Variants in WDR82 observed in about 807,000 individuals in gnomAD.
WDR82 encodes WD repeat-containing protein 82.
A neutral mutation model predicts 36.1 loss-of-function variants in WDR82; 8 were observed. The ratio of observed to expected loss-of-function variants is 0.22; its 90% CI spans 0.13 to 0.40. WDR82 has a LOEUF of 0.40. Ranked by LOEUF, WDR82 falls within the 10% of genes least tolerant of loss-of-function variation. The pLI, the probability that WDR82 is intolerant of heterozygous loss-of-function variation, is 1.00. For synonymous variants in WDR82, 129 were observed against 137.8 expected, an observed-to-expected ratio of 0.94 and a Z score of 0.45; for missense variants, 185 against 400.5, an observed-to-expected ratio of 0.46 and a Z score of 4.59.
At chr3:52,277,752 G>C (rs573635968) in intron 1 of WDR82, among the ~76,000 whole-genome samples, 10 of 152,212 alleles carry the variant, frequency 6.6e-5, no homozygotes, top group Non-Finnish European at 1.3e-4. Context: ...GGGCGGAATC[G>C]AGGTCACAGT....
intron 2 of WDR82, among the ~76,000 whole-genome samples, chr3:52,269,198 G>A (rs933860041): frequency 6.6e-6 from 1 of 152,178 alleles, no homozygotes; most frequent in Non-Finnish European, 1.5e-5. Context: ...ATCCTGGCCG[G>A]GCGTGGTGGT....
intron 1 of WDR82, among the ~76,000 whole-genome samples, chr3:52,275,864 A>G (rs1700198741): frequency 6.6e-6 from 1 of 152,174 alleles, no homozygotes. Context: ...AGCCTGGGCG[A>G]CTGAGCGAGA....
Position 52,257,428 on chromosome 3 carries a change from C to T in WDR82, c.*62G>A. The T allele has an allele frequency of 5.0e-6, 8 of 1,606,000 alleles. No individual in the cohort carries two copies. In the South Asian group the frequency reaches 8.8e-5, roughly 18 times the overall value. On this transcript the variant is annotated 3_prime_UTR_variant, in exon 9 of 9. Transcript: ENST00000296490. ...ATCCAATCCCACTATTATCTCAGTT[C>T]CCTCTGAGTTTCTTCCTGCTGGCCG...
intron 3 of WDR82, among the ~76,000 whole-genome samples, chr3:52,263,342 G>C (rs1700078041): frequency 6.6e-6 from 1 of 152,214 alleles, no homozygotes; most frequent in Admixed American, 6.6e-5. Context: ...ATCTGAGGTA[G>C]AAAGGATTTC....
Position 52,254,615 on chromosome 3 carries a change from C to A in WDR82, c.*2875G>T, listed in dbSNP as rs1024428850. The A allele has an allele frequency of 2.0e-5, 3 of 152,000 alleles. No homozygotes were observed. In the Admixed American group the frequency reaches 2.0e-4, roughly 10 times the overall value. 9.4% of individuals were successfully genotyped at this position (152,000 alleles called of 1,614,324 possible). ...TAGCATTTGGGTGGCAAACTTGATT[C>A]TTTCTAAAATTCCCATATTTTCCTT... On this transcript the variant is annotated 3_prime_UTR_variant, in exon 9 of 9. Coordinates refer to ENST00000296490, the MANE Select transcript of WDR82 (RefSeq NM_025222.4).
Position 52,278,586 on chromosome 3 carries a change from C to G in WDR82, c.-225G>C. ...ACCGTTCGTCCTCACAGCCACCTCA[C>G]GGACAACCGGCGCGTCGCCGGCTCA... is the stretch of plus-strand genomic sequence containing the variant. On this transcript the variant is annotated 5_prime_UTR_variant, in exon 1 of 9. Coordinates refer to ENST00000296490, the MANE Select transcript of WDR82 (RefSeq NM_025222.4). The G allele has an allele frequency of 4.9e-6, 2 of 409,250 alleles. No homozygotes were observed. The highest frequency in any genetic ancestry group is 1.2e-4 in the South Asian group (1 of 8,086). The allele number at this position is 409,250 out of a possible 1,614,324, so 25.4% of individuals were successfully genotyped here.
chr3:52,269,546 T>C (rs1432659119), intron 2 of WDR82, among the ~76,000 whole-genome samples: 1 of 151,374 alleles, frequency 6.6e-6, no homozygotes, highest in Admixed American at 6.6e-5. Flanking sequence ...CTGGCTAACA[T>C]GGTGAAACCC....
At chr3:52,272,135 T>A (rs1332202475) in intron 1 of WDR82, among the ~76,000 whole-genome samples, 2 of 152,106 alleles carry the variant, frequency 1.3e-5, no homozygotes, top group African/African-American at 4.8e-5. Context: ...AGGTTATCAA[T>A]CTCCATTTGT....
intron 2 of WDR82, chr3:52,268,024 C>A: frequency 4.5e-6 from 1 of 222,872 alleles, no homozygotes; most frequent in Non-Finnish European, 9.4e-6. Context: ...AATAAGAGGG[C>A]ATTTAACTTG....
At position 52,259,280 on chromosome 3, in the gene WDR82, G is replaced by A. The variant is rs1255957704; in HGVS notation, c.700-14C>T. On this transcript the variant is annotated splice_polypyrimidine_tract_variant and intron_variant, in intron 6 of 8. Transcript: ENST00000296490. ...GTTGGCATAACCCTAAAACAAAACA[G>A]AGCAGTTCTTTTGTTCTTACAGAGC... 6.2e-7 allele frequency: 1 copy of A among 1,613,380 alleles called. No individual in the cohort carries two copies. The highest frequency in any genetic ancestry group is 1.3e-5 in the African/African-American group (1 of 74,876).
intron 1 of WDR82, among the ~76,000 whole-genome samples, chr3:52,272,419 C>A (rs1700162420): frequency 6.6e-6 from 1 of 151,704 alleles, no homozygotes. Context: ...TGGCCCACGC[C>A]TGTAGTCCCA....
At position 52,259,773 on chromosome 3, in the gene WDR82, C is replaced by T. The variant is rs1158144362; in HGVS notation, c.643G>A (p.Gly215Ser). The T allele has an allele frequency of 6.2e-6, 10 of 1,613,952 alleles. No individual in the cohort carries two copies. Among genetic ancestry groups the T allele is most frequent in the Non-Finnish European group, 8.5e-6 (10 of 1,179,996 alleles). Residue 215 changes from glycine to serine, a missense_variant, in exon 6 of 9, where the codon GGC becomes AGC. By Grantham distance (56) the Gly-to-Ser change is moderately conservative (BLOSUM62 0). Coordinates refer to ENST00000296490, the MANE Select transcript of WDR82 (RefSeq NM_025222.4). Reference protein sequence around the residue: ...DGKLILISTNGSFIRLIDAFK... With the variant: ...DGKLILISTNSSFIRLIDAFK... ...GCATCAATCAGACGAATGAAGCTGC[C>T]GTTGGTGGAAATGAGGATGAGCTTG...
chr3:52,273,121 C>T lies in WDR82; in HGVS notation c.162-2312G>A, dbSNP rs578174845. Among the ~76,000 whole-genome samples, 7 of 152,284 alleles carry T rather than the reference C, an allele frequency of 4.6e-5. No individual in the cohort carries two copies. The East Asian group carries it at 1.3e-3, about 29-fold the overall frequency. On this transcript the variant is annotated intron_variant, in intron 1 of 8. Coordinates refer to ENST00000296490, the MANE Select transcript of WDR82 (RefSeq NM_025222.4). ...AAGAAGTTTATATCAGTTATTTCATCCCATCTACAATAGCAAAGACAGAAA... is the reference window on the plus strand; with the variant it reads ...AAGAAGTTTATATCAGTTATTTCATTCCATCTACAATAGCAAAGACAGAAA...
At chr3:52,266,045 T>G (rs1700103112) in intron 3 of WDR82, among the ~76,000 whole-genome samples, 1 of 152,030 alleles carries the variant, frequency 6.6e-6, no homozygotes, top group South Asian at 2.1e-4. Context: ...CAAAGAAAAG[T>G]TGAAAAATTA....
chr3:52,258,390 A>C (rs1700030878), intron 8 of WDR82, 146 bp downstream of exon 8: 3 of 949,860 alleles, frequency 3.2e-6, no homozygotes, highest in Non-Finnish European at 4.9e-6. Flanking sequence ...TAGGAGATGA[A>C]ATAGGGAAAC....
At chr3:52,270,934 G>T in intron 1 of WDR82, 125 bp from the exon 2 acceptor site, 1 of 602,148 alleles carries the variant, frequency 1.7e-6, no homozygotes, top group East Asian at 3.0e-5. Context: ...TTCTAACACT[G>T]GAAAGAAACA....
At chr3:52,261,529 T>C (rs368258291) in intron 3 of WDR82, 50 bp from the exon 4 acceptor site, 173 of 1,548,032 alleles carry the variant, frequency 1.1e-4, no homozygotes, top group Non-Finnish European at 1.5e-4. Flanking sequence ...TTAGCAAAAA[T>C]TGGATGTGAA....
chr3:52,272,829 G>A (rs1411243987), intron 1 of WDR82, among the ~76,000 whole-genome samples: 1 of 152,190 alleles, frequency 6.6e-6, no homozygotes, highest in Non-Finnish European at 1.5e-5. Context: ...TCAGTTATTT[G>A]CACTTTCAAT....
In WDR82 at chr3:52,261,241, A is replaced by G. The variant is rs558586422; in HGVS notation, c.426+139T>C. 4 of 702,644 alleles carry G rather than the reference A, an allele frequency of 5.7e-6. No homozygotes were observed. The Admixed American group carries it at 1.3e-4, about 24-fold the overall frequency. 43.5% of individuals were successfully genotyped at this position (702,644 alleles called of 1,614,324 possible). A position where few individuals can be genotyped will look rare whatever the true frequency, so the allele number is the denominator to read the frequency against. ...TGCTTAGCAGCTACCAACTAAAAAA[A>G]CAGATTTTCTCCAAAGTTTAAAAAG... On this transcript the variant is annotated intron_variant, in intron 4 of 8. Coordinates refer to ENST00000296490, the MANE Select transcript of WDR82 (RefSeq NM_025222.4).
Sources: allele counts gnomAD v4.1 joint callset (sites outside exome capture counted in the v4.1 genomes callset), GRCh38; gene constraint gnomAD v4.1.1; transcripts MANE v1.5; gene names NCBI Gene and HGNC (gene_info 2026-07-23, HGNC 2026-07-21).